MED17: variants seen among roughly 807,000 people sequenced by gnomAD.
MED17 encodes the protein mediator complex subunit 17, also known as mediator of RNA polymerase II transcription subunit 17.
In MED17, 49 loss-of-function variants were observed where a neutral mutation model predicts 80.8. The observed-to-expected ratio is 0.61, with a 90% CI of 0.48 to 0.77. The LOEUF (loss-of-function observed/expected upper bound fraction) is 0.77. MED17 is among the 30% of genes least tolerant of loss of function. The pLI is 0.00. For missense variants in MED17, 718 were observed against 787.0 expected (o/e 0.91, Z 1.05); for synonymous variants, 281 against 280.4 (o/e 1.00, Z -0.02).
chr11:93,809,195 AGCCTAGCAGCC>A, intron 10 of MED17: 1 of 223,676 alleles, frequency 4.5e-6, no homozygotes, highest in Admixed American at 5.2e-5. Flanking sequence ...CATCTTGAGA[AGCCTAGCAGCC>A]AGTCAAGAGA....
At chr11:93,797,086 T>A (rs1943911779) in intron 7 of MED17, 2 of 198,430 alleles carry the variant, frequency 1.0e-5, no homozygotes, top group Non-Finnish European at 2.1e-5. Flanking sequence ...GCAGCCGGGT[T>A]TGGGAACCTC....
chr11:93,787,391 T>C (rs986181155), intron 1 of MED17, among the ~76,000 whole-genome samples: 2 of 151,470 alleles, frequency 1.3e-5, no homozygotes, highest in Admixed American at 6.6e-5. Flanking sequence ...CCAGCCTGGG[T>C]GACAGAGCAA....
At chr11:93,788,662 C>CA (rs1310914645) in intron 2 of MED17, 3 of 121,738 alleles carry the variant, frequency 2.5e-5, no homozygotes, top group African/African-American at 9.6e-5. Context: ...GCCTGGGCGA[C>CA]AGAGCGAGAT....
intron 8 of MED17, among the ~76,000 whole-genome samples, chr11:93,798,856 G>C (rs73555016): frequency 0.017 from 2,625 of 152,196 alleles, 78 homozygotes; most frequent in African/African-American, 0.06. Context: ...CTGATAATTT[G>C]AGTAGATCGT....
intron 8 of MED17, among the ~76,000 whole-genome samples, chr11:93,798,185 T>TA (rs1367180490): frequency 6.6e-6 from 1 of 152,238 alleles, no homozygotes; most frequent in African/African-American, 2.4e-5. Flanking sequence ...TTAAAGAAGT[T>TA]ATGCACCTTG....
At chr11:93,794,283 C>T (rs1334411010) in intron 5 of MED17, 1 of 377,624 alleles carries the variant, frequency 2.6e-6, no homozygotes, top group East Asian at 6.0e-5. Flanking sequence ...CGGCTCACCG[C>T]AACGTCTACC....
chr11:93,812,336 G>T lies in MED17; in HGVS notation c.*272G>T. The T allele has an allele frequency of 3.8e-6, 2 of 522,000 alleles. No individual in the cohort carries two copies. The highest frequency in any genetic ancestry group is 3.3e-6 in the Non-Finnish European group (1 of 299,348). 32.3% of individuals were successfully genotyped at this position (522,000 alleles called of 1,614,324 possible). A position where few individuals can be genotyped will look rare whatever the true frequency, so the allele number is the denominator to read the frequency against. On this transcript the variant is annotated 3_prime_UTR_variant, in exon 12 of 12. Transcript: ENST00000251871. ...AGTTTAAAATATTACTAACTTAAGG[G>T]TTTCTATGTGCTTTTTAAAATATTC...
rs148342933 is a variant in MED17 at position 93,795,058 on chromosome 11, C to T, written c.1010C>T (p.Pro337Leu). Residue 337 changes from proline to leucine, a missense_variant and splice_region_variant, in exon 6 of 12, where the codon CCG (proline) becomes CTG (leucine). Coordinates refer to ENST00000251871, the MANE Select transcript of MED17 (RefSeq NM_004268.5). ...AACCAGATTATCTCTCAGCCCTTTCCGAGTAAGAGCAGCCCTTTTTCGACT... is the reference window on the plus strand; with the variant it reads ...AACCAGATTATCTCTCAGCCCTTTCTGAGTAAGAGCAGCCCTTTTTCGACT... The part of the protein sequence containing the change: ...VKNQIISQPF[P>L]SLQLSISLCH... 1.5e-4 allele frequency: 238 copies of T among 1,614,128 alleles called. No individual in the cohort carries two copies. The highest frequency in any genetic ancestry group is 3.3e-4 in the Middle Eastern group (2 of 6,060).
intron 9 of MED17, chr11:93,807,119 CT>C (rs558974449): frequency 3.7e-3 from 698 of 189,332 alleles, no homozygotes; most frequent in South Asian, 8.9e-3. Flanking sequence ...GTTATTAAAA[CT>C]TTTTTTTTTG....
rs1944114624 is a variant in MED17 at position 93,814,504 on chromosome 11, A to G, written c.*2440A>G. 1 of 152,208 alleles carries G rather than the reference A, an allele frequency of 6.6e-6. No homozygotes were observed. Among genetic ancestry groups the G allele is most frequent in the African/African-American group, 2.4e-5 (1 of 41,464 alleles). 9.4% of individuals were successfully genotyped at this position (152,208 alleles called of 1,614,324 possible). On this transcript the variant is annotated 3_prime_UTR_variant, in exon 12 of 12. Transcript: ENST00000251871. ...CTTGGCTCTGCTACTGGCTTGCTGT[A>G]TGAACTTGGCAAGGATTCTCTGTGA...
At chr11:93,786,721 G>T (rs1215385032) in intron 1 of MED17, among the ~76,000 whole-genome samples, 2 of 151,982 alleles carry the variant, frequency 1.3e-5, no homozygotes, top group Non-Finnish European at 1.5e-5. Context: ...ACCCTGCCTC[G>T]GCCTCCCAAA....
In MED17 at chr11:93,793,950, G is replaced by A; in HGVS notation, c.775-1G>A. ...CTTTTTTTGTTTTTGTTGTCATATA[G>A]GTTTCAATACAAAAACAGGCTCCAG... On this transcript the variant is annotated splice_acceptor_variant, in intron 4 of 11. Transcript: ENST00000251871. LOFTEE classifies it high-confidence loss of function. 1 of 1,613,762 alleles carries A rather than the reference G, an allele frequency of 6.2e-7. No individual in the cohort carries two copies. The highest frequency in any genetic ancestry group is 8.5e-7 in the Non-Finnish European group (1 of 1,179,872).
chr11:93,791,447 G>A (rs897608801), intron 3 of MED17, among the ~76,000 whole-genome samples: 11 of 152,268 alleles, frequency 7.2e-5, no homozygotes, highest in African/African-American at 2.2e-4. Flanking sequence ...GCTCACACCT[G>A]TAATCCTAGC....
At chr11:93,806,765 C>CA (rs1207138670) in intron 9 of MED17, 1 of 152,084 alleles carries the variant, frequency 6.6e-6, no homozygotes, top group Non-Finnish European at 1.5e-5. Flanking sequence ...GCATCTGAAC[C>CA]AGGAGAAATT....
chr11:93,784,860 G>T lies in MED17; in HGVS notation c.250+97G>T. 3.4e-6 allele frequency: 5 copies of T among 1,458,456 alleles called. No individual in the cohort carries two copies. The South Asian group carries it at 6.4e-5, about 19-fold the overall frequency. The allele number at this position is 1,458,456 out of a possible 1,614,324, so 90.3% of individuals were successfully genotyped here. A position where few individuals can be genotyped will look rare whatever the true frequency, so the allele number is the denominator to read the frequency against. On this transcript the variant is annotated intron_variant, in intron 1 of 11. Transcript: ENST00000251871. ...GCGATGGGGGTGATCTTGTGCGTGC[G>T]AGAACTTTTGAGTGTCCCTCTAGCG...
At chr11:93,794,837 C>A (rs1288762374) in intron 5 of MED17, 71 bp from the exon 6 acceptor site, 5 of 1,485,424 alleles carry the variant, frequency 3.4e-6, no homozygotes, top group Admixed American at 3.4e-5. Flanking sequence ...CATATGTATT[C>A]AGATCACCAT....
Position 93,812,036 on chromosome 11 carries a change from T to C in MED17, c.1928T>C (p.Met643Thr), listed in dbSNP as rs1565295885. ...TTTGTTTATAAAATGGAGCTGCTTA[T>C]GTCTGCACTTAGCCCTTGTCTACTA... The part of the protein sequence containing the change: ...RNFVYKMELL[M>T]SALSPCLL Residue 643 changes from methionine to threonine, a missense_variant, in exon 12 of 12, where the codon ATG becomes ACG. Physicochemically the swap from Met to Thr is moderately conservative, Grantham distance 81 (BLOSUM62 -1). Coordinates refer to ENST00000251871, the MANE Select transcript of MED17 (RefSeq NM_004268.5). The C allele has an allele frequency of 1.2e-6, 2 of 1,614,118 alleles. No individual in the cohort carries two copies. Among genetic ancestry groups the C allele is most frequent in the Non-Finnish European group, 1.7e-6 (2 of 1,179,990 alleles).
At chr11:93,798,565 A>G (rs1943929406) in intron 8 of MED17, among the ~76,000 whole-genome samples, 1 of 152,046 alleles carries the variant, frequency 6.6e-6, no homozygotes. Flanking sequence ...GCTTTTAGTA[A>G]AAGGAATTGG....
Position 93,790,690 on chromosome 11 carries a change from G to A in MED17, c.534G>A (p.Lys178=). 2 of 1,614,196 alleles carry A rather than the reference G, an allele frequency of 1.2e-6. No homozygotes were observed. The highest frequency in any genetic ancestry group is 1.7e-6 in the Non-Finnish European group (2 of 1,180,030). The change falls in exon 3 of 12, where the codon AAG becomes AAA. Residue 178 remains lysine, a synonymous_variant. Transcript: ENST00000251871. ...TKSVTENQEN[K]LQRDFNSELL... is the part of the protein sequence containing the mutation. ...CAGTTACCGAAAACCAAGAAAACAA[G>A]CTACAAAGAGACTTCAATTCTGAGC... is the stretch of plus-strand genomic sequence containing the variant.
Sources: allele counts gnomAD v4.1 joint callset (sites outside exome capture counted in the v4.1 genomes callset), GRCh38; gene constraint gnomAD v4.1.1; transcripts MANE v1.5; gene names NCBI Gene and HGNC (gene_info 2026-07-23, HGNC 2026-07-21).